Variants in BLMH observed in about 807,000 individuals in gnomAD.
BLMH encodes the protein BLM hydrolase.
Under a neutral mutation model 61.6 loss-of-function variants are expected in BLMH, and 32 were observed. That is an observed-to-expected ratio of 0.52 (90% CI 0.39 to 0.70). The LOEUF (loss-of-function observed/expected upper bound fraction) is 0.70, where lower values mean the gene tolerates loss of function less well. Ranked by LOEUF, BLMH falls within the 30% of genes least tolerant of loss-of-function variation. BLMH has a pLI of 0.00. For synonymous variants in BLMH, 183 were observed against 193.8 expected, an observed-to-expected ratio of 0.94 and a Z score of 0.46; for missense variants, 460 against 555.5, an observed-to-expected ratio of 0.83 and a Z score of 1.73.
intron 11 of BLMH, among the ~76,000 whole-genome samples, chr17:30,259,745 G>C (rs1179680516): frequency 6.6e-6 from 1 of 152,080 alleles, no homozygotes; most frequent in Non-Finnish European, 1.5e-5. Context: ...CCTATGCACG[G>C]TTCCTTGCAT....
chr17:30,272,539 A>G (rs766445796), intron 9 of BLMH, 22 bp downstream of exon 9: 2 of 1,613,842 alleles, frequency 1.2e-6, no homozygotes, highest in Admixed American at 1.7e-5. Flanking sequence ...ATGACTTTCC[A>G]TTTTAAATTT....
At chr17:30,260,031 T>A (rs1007681543) in intron 11 of BLMH, among the ~76,000 whole-genome samples, 1 of 152,146 alleles carries the variant, frequency 6.6e-6, no homozygotes, top group Non-Finnish European at 1.5e-5. Context: ...ATAGATAACA[T>A]TAACAACAGT....
chr17:30,263,301 C>T (rs992252541), intron 11 of BLMH, among the ~76,000 whole-genome samples: 1 of 152,042 alleles, frequency 6.6e-6, no homozygotes, highest in Non-Finnish European at 1.5e-5. Flanking sequence ...TGACTAATAA[C>T]GAGAGGAATC....
intron 11 of BLMH, among the ~76,000 whole-genome samples, chr17:30,256,115 G>A (rs1375162540): frequency 6.6e-6 from 1 of 152,124 alleles, no homozygotes; most frequent in Non-Finnish European, 1.5e-5. Flanking sequence ...TTGAGCTCCT[G>A]GGCTCAAGCA....
Position 30,248,949 on chromosome 17 carries a change from A to G in BLMH, c.*68T>C. 6.4e-7 allele frequency: 1 copy of G among 1,573,956 alleles called. No homozygotes were observed. The highest frequency in any genetic ancestry group is 8.6e-7 in the Non-Finnish European group (1 of 1,157,824). ...CAGTCCCTTGCATAACTTTGGCTTCAGTCCCTGGATCTGTCCTTTGCAGCT... is the reference window on the plus strand; with the variant it reads ...CAGTCCCTTGCATAACTTTGGCTTCGGTCCCTGGATCTGTCCTTTGCAGCT... On this transcript the variant is annotated 3_prime_UTR_variant, in exon 12 of 12. Transcript: ENST00000261714.
In BLMH at chr17:30,251,533, T is replaced by C. The variant is rs73987809; in HGVS notation, c.1217-2365A>G. Among the ~76,000 whole-genome samples, 1,134 of 152,380 alleles carry C rather than the reference T, an allele frequency of 7.4e-3. 14 individuals carry two copies. Among genetic ancestry groups the C allele is most frequent in the African/African-American group, 0.026 (1,062 of 41,590 alleles). On this transcript the variant is annotated intron_variant, in intron 11 of 11. Transcript: ENST00000261714. ...ACCGTATCTGCTACTTGTTTTATAG[T>C]AAACACTGGAGCCATTTTTCTCTGA...
intron 11 of BLMH, among the ~76,000 whole-genome samples, chr17:30,252,997 G>C (rs1009826214): frequency 6.6e-6 from 1 of 152,202 alleles, no homozygotes; most frequent in African/African-American, 2.4e-5. Flanking sequence ...TCCTAAGTGA[G>C]TGCTTCCTGA....
chr17:30,261,173 G>GT (rs1384997970), intron 11 of BLMH, among the ~76,000 whole-genome samples: 1 of 152,108 alleles, frequency 6.6e-6, no homozygotes, highest in East Asian at 1.9e-4. Context: ...TCTTTTGTAA[G>GT]TAATACATAG....
At chr17:30,272,708 C>T (rs1908309036) in intron 8 of BLMH, 33 bp downstream of exon 8, 1 of 1,614,038 alleles carries the variant, frequency 6.2e-7, no homozygotes, top group South Asian at 1.1e-5. Flanking sequence ...GATGTTTTAA[C>T]CCCAATGTGC....
chr17:30,285,518 C>T (rs747820562), intron 5 of BLMH, 38 bp from the exon 6 acceptor site: 174 of 1,525,580 alleles, frequency 1.1e-4, no homozygotes, highest in Non-Finnish European at 4.7e-5. Context: ...AACAGTTACC[C>T]GAATTCAATT....
At chr17:30,287,736 T>C (rs1908770638) in intron 4 of BLMH, 70 bp downstream of exon 4, 15 of 1,555,888 alleles carry the variant, frequency 9.6e-6, no homozygotes, top group Non-Finnish European at 1.2e-5. Context: ...ACCAAAGAAT[T>C]GGCCCATGCC....
intron 11 of BLMH, chr17:30,249,673 C>T (rs1907620073): frequency 6.5e-6 from 1 of 152,916 alleles, no homozygotes; most frequent in Non-Finnish European, 1.5e-5. Context: ...CCTACAACAA[C>T]CAGGCGGGCT....
chr17:30,267,538 G>A (rs1003367010), intron 10 of BLMH, among the ~76,000 whole-genome samples: 3 of 152,126 alleles, frequency 2.0e-5, no homozygotes, highest in Non-Finnish European at 4.4e-5. Flanking sequence ...TTTCAAAGAA[G>A]AGACTGAATG....
chr17:30,291,588 C>G, intron 1 of BLMH, 80 bp from the exon 2 acceptor site: 1 of 1,555,010 alleles, frequency 6.4e-7, no homozygotes, highest in Non-Finnish European at 8.8e-7. Flanking sequence ...CCGAATCTAA[C>G]TTCGTAAGCG....
intron 6 of BLMH, among the ~76,000 whole-genome samples, chr17:30,278,259 T>C (rs1185196685): frequency 2.6e-5 from 4 of 152,204 alleles, no homozygotes; most frequent in African/African-American, 4.8e-5. Context: ...GAGTGTCACC[T>C]GCTTCTCACA....
chr17:30,270,430 A>G (rs907955148), intron 10 of BLMH, among the ~76,000 whole-genome samples: 2 of 149,296 alleles, frequency 1.3e-5, no homozygotes, highest in African/African-American at 5.0e-5. Context: ...TGAGCCCCAG[A>G]GGTGGAGGTT....
intron 10 of BLMH, among the ~76,000 whole-genome samples, chr17:30,270,183 G>A (rs1465404348): frequency 6.6e-6 from 1 of 152,140 alleles, no homozygotes; most frequent in Non-Finnish European, 1.5e-5. Context: ...TAGTGGATAG[G>A]ATAGCAAAAA....
chr17:30,252,097 T>C (rs1907683746), intron 11 of BLMH: 3 of 152,074 alleles, frequency 2.0e-5, no homozygotes, highest in African/African-American at 7.2e-5. Flanking sequence ...TTGAAGCAGA[T>C]GAAGGAAATC....
At chr17:30,291,232 G>A (rs766284983) in intron 2 of BLMH, 79 bp downstream of exon 2, 14 of 1,518,170 alleles carry the variant, frequency 9.2e-6, no homozygotes, top group Non-Finnish European at 1.3e-5. Context: ...ACGAATTTAA[G>A]ACCACTCTTA....
Sources: gnomAD v4.1 joint callset for allele counts (sites outside exome capture counted in the v4.1 genomes callset) on GRCh38, gnomAD v4.1.1 for gene constraint, MANE v1.5 for transcripts, NCBI Gene and HGNC (gene_info 2026-07-23, HGNC 2026-07-21) for gene names.